Variants in DDX4 observed in about 807,000 individuals in gnomAD.
The protein encoded by DDX4 is DEAD-box helicase 4, also known as probable ATP-dependent RNA helicase DDX4.
DDX4 carries 25 observed loss-of-function variants against 100.0 expected under a neutral mutation model. The observed-to-expected ratio is 0.25, with a 90% CI of 0.18 to 0.35. The LOEUF (loss-of-function observed/expected upper bound fraction) is 0.35. DDX4 is among the 10% of genes least tolerant of loss of function. DDX4 has a pLI of 1.00. For missense variants in DDX4, 635 were observed against 882.4 expected, an observed-to-expected ratio of 0.72 and a Z score of 3.55; for synonymous variants, 259 against 275.7, an observed-to-expected ratio of 0.94 and a Z score of 0.60.
intron 7 of DDX4, among the ~76,000 whole-genome samples, chr5:55,771,770 A>T (rs796133440): frequency 1.1e-4 from 16 of 151,998 alleles, no homozygotes; most frequent in African/African-American, 3.9e-4. Flanking sequence ...TTAAATTTCT[A>T]TTTTTTTGGA....
At chr5:55,764,139 C>T (rs1202579881) in intron 6 of DDX4, 75 bp downstream of exon 6, 1 of 1,130,022 alleles carries the variant, frequency 8.8e-7, no homozygotes, top group Non-Finnish European at 1.3e-6. Flanking sequence ...AAGATTAAGT[C>T]TCTTAGTCCG....
intron 10 of DDX4, chr5:55,782,211 A>G (rs2111986770): frequency 1.9e-6 from 1 of 523,636 alleles, no homozygotes; most frequent in South Asian, 2.6e-5. Context: ...TATAGGAATT[A>G]TATACTATAG....
At chr5:55,806,162 G>A (rs1272458758) in intron 18 of DDX4, among the ~76,000 whole-genome samples, 1 of 152,150 alleles carries the variant, frequency 6.6e-6, no homozygotes, top group Non-Finnish European at 1.5e-5. Flanking sequence ...TGTGGGATTG[G>A]TGGTGATATC....
In DDX4 at chr5:55,768,033, C is replaced by G. The variant is rs751383476; in HGVS notation, c.394+93C>G. The G allele has an allele frequency of 7.7e-6, 9 of 1,162,476 alleles. No individual in the cohort carries two copies. The Admixed American group carries it at 1.2e-4, about 16-fold the overall frequency. The allele number at this position is 1,162,476 out of a possible 1,614,324, so 72.0% of individuals were successfully genotyped here. On this transcript the variant is annotated intron_variant, in intron 7 of 21. Transcript: ENST00000505374. ...AAGGAGCTGGATGAAAAACACTGATCGTGAAAACCTTTGAAGAAAAATACT... is the reference window on the plus strand; with the variant it reads ...AAGGAGCTGGATGAAAAACACTGATGGTGAAAACCTTTGAAGAAAAATACT...
rs1479576953 is a variant in DDX4, at chr5:55,785,725, C to T, written c.722-4C>T. 2 of 1,607,336 alleles carry T rather than the reference C, an allele frequency of 1.2e-6. No individual in the cohort carries two copies. Among genetic ancestry groups the T allele is most frequent in the African/African-American group, 1.3e-5 (1 of 74,670 alleles). ...TACATTATGTTTTTAATTTAAATTC[C>T]AAGGACCAAAAGTGACCTACATACC... On this transcript the variant is annotated splice_region_variant and splice_polypyrimidine_tract_variant and intron_variant, in intron 12 of 21. Transcript: ENST00000505374.
rs1291891510 is a variant in DDX4 at position 55,803,539 on chromosome 5, T to G, written c.1615+4968T>G. Among the ~76,000 whole-genome samples, 7 of 136,344 alleles carry G rather than the reference T, an allele frequency of 5.1e-5. No homozygotes were observed. The Admixed American group carries it at 5.9e-4, about 11-fold the overall frequency. 89.4% of individuals were successfully genotyped at this position (136,344 alleles called of 152,430 possible). ...CCCTTCCTGTGTCCATGTGTTCTCA[T>G]TGTTCAATTCCCACCTATGAGTGAG... On this transcript the variant is annotated intron_variant, in intron 18 of 21. Coordinates refer to ENST00000505374, the MANE Select transcript of DDX4 (RefSeq NM_024415.3).
At position 55,805,783 on chromosome 5, in the gene DDX4, C is replaced by A. The variant is rs189132346; in HGVS notation, c.1615+7212C>A. Among the ~76,000 whole-genome samples, 22 of 152,282 alleles carry A rather than the reference C, an allele frequency of 1.4e-4. No individual in the cohort carries two copies. The East Asian group carries it at 3.5e-3, about 24-fold the overall frequency. On this transcript the variant is annotated intron_variant, in intron 18 of 21. Transcript: ENST00000505374. ...TCATCAGGGATATTGGTCTAAAATT[C>A]TCTTTTTTTGTTGTATCTCTGCCCG...
At chr5:55,780,943 T>A (rs1741875829) in intron 8 of DDX4, 123 bp from the exon 9 acceptor site, 1 of 725,038 alleles carries the variant, frequency 1.4e-6, no homozygotes, top group African/African-American at 1.8e-5. Flanking sequence ...TAGGACAGTA[T>A]TTTTCTATTT....
chr5:55,801,530 T>C (rs1425865245), intron 18 of DDX4, among the ~76,000 whole-genome samples: 1 of 152,222 alleles, frequency 6.6e-6, no homozygotes, highest in Non-Finnish European at 1.5e-5. Flanking sequence ...ACAAAGAGTG[T>C]GCTAGACAGT....
chr5:55,780,319 C>G (rs1031310458), intron 8 of DDX4, among the ~76,000 whole-genome samples: 7 of 152,154 alleles, frequency 4.6e-5, no homozygotes, highest in Admixed American at 1.3e-4. Flanking sequence ...ACATACTGTT[C>G]ATTGTTTTAG....
At chr5:55,800,993 A>C (rs1743261367) in intron 18 of DDX4, among the ~76,000 whole-genome samples, 1 of 152,048 alleles carries the variant, frequency 6.6e-6, no homozygotes, top group African/African-American at 2.4e-5. Context: ...CATAATTTTA[A>C]TTTTAAGTCA....
At chr5:55,804,679 T>A (rs1743575315) in intron 18 of DDX4, among the ~76,000 whole-genome samples, 1 of 152,128 alleles carries the variant, frequency 6.6e-6, no homozygotes, top group African/African-American at 2.4e-5. Flanking sequence ...TCCATTGATC[T>A]ATATCTCTGT....
rs545885816 is a variant in DDX4, at chr5:55,792,150, G to A, written c.1303-491G>A. On this transcript the variant is annotated intron_variant, in intron 16 of 21. Coordinates refer to ENST00000505374, the MANE Select transcript of DDX4 (RefSeq NM_024415.3). ...AAAAAAAAAAAAAAAAAAAAAAAGC[G>A]CAGTTAATAGAACTTTTAAGTAATT... Among the ~76,000 whole-genome samples, 34 of 142,316 alleles carry A rather than the reference G, an allele frequency of 2.4e-4. 1 individual carries two copies. The South Asian group carries it at 6.7e-3, about 28-fold the overall frequency. The allele number at this position is 142,316 out of a possible 152,430, so 93.4% of individuals were successfully genotyped here. A position where few individuals can be genotyped will look rare whatever the true frequency, so the allele number is the denominator to read the frequency against.
Position 55,792,691 on chromosome 5 carries a change from G to A in DDX4, c.1353G>A (p.Met451Ile). 1 of 1,598,644 alleles carries A rather than the reference G, an allele frequency of 6.3e-7. No homozygotes were observed. Among genetic ancestry groups the A allele is most frequent in the South Asian group, 1.1e-5 (1 of 89,024 alleles). The change falls in exon 17 of 22, where the codon ATG (methionine) becomes ATA (isoleucine). Residue 451 changes from methionine to isoleucine, a missense_variant. Physicochemically the swap from Met to Ile is conservative, Grantham distance 10. Around this residue, in one of 4 missense-constraint regions of DDX4, gnomAD observed 115 missense variants for 224.7 expected, o/e 0.51. Transcript: ENST00000505374. ...KYLVLDEADR[M>I]LDMGFGPEMK... is the part of the protein sequence containing the mutation. The stretch of plus-strand genomic sequence containing the variant: ...TAGTTTTGGATGAAGCTGATCGCAT[G>A]TTGGATATGGGTTTTGGTCCAGAAA...
At chr5:55,745,844 C>T (rs767810874) in intron 2 of DDX4, among the ~76,000 whole-genome samples, 6 of 152,204 alleles carry the variant, frequency 3.9e-5, no homozygotes, top group Non-Finnish European at 8.8e-5. Context: ...ATAGGCCTTA[C>T]CTGTCTGTCA....
At chr5:55,808,477 A>T (rs1269550576) in intron 18 of DDX4, among the ~76,000 whole-genome samples, 1 of 152,064 alleles carries the variant, frequency 6.6e-6, no homozygotes, top group African/African-American at 2.4e-5. Flanking sequence ...GATGATGGTG[A>T]CGTACAGATG....
At chr5:55,774,848 T>C (rs116639149) in intron 7 of DDX4, among the ~76,000 whole-genome samples, 1 of 152,328 alleles carries the variant, frequency 6.6e-6, no homozygotes, top group Non-Finnish European at 1.5e-5. Context: ...AGATTAATAG[T>C]TTTCATGAAA....
At position 55,763,253 on chromosome 5, in the gene DDX4, G is replaced by A. The variant is rs1033027384; in HGVS notation, c.283+1G>A. Reference sequence around the variant, plus strand: ...GTTGGAAAGAGTTTTGGAAACAGAGGTAATTACTTGGTTATGATATCTTAC... The same window carrying A: ...GTTGGAAAGAGTTTTGGAAACAGAGATAATTACTTGGTTATGATATCTTAC... On this transcript the variant is annotated splice_donor_variant, in intron 5 of 21. Transcript: ENST00000505374. LOFTEE classifies it high-confidence loss of function. The A allele has an allele frequency of 3.8e-6, 6 of 1,584,988 alleles. No homozygotes were observed. Among genetic ancestry groups the A allele is most frequent in the Non-Finnish European group, 5.2e-6 (6 of 1,154,122 alleles).
intron 18 of DDX4, among the ~76,000 whole-genome samples, chr5:55,806,570 A>G (rs1395945620): frequency 1.3e-5 from 2 of 152,086 alleles, no homozygotes; most frequent in African/African-American, 4.8e-5. Flanking sequence ...TTCTGCCTTC[A>G]TTTTGTTATG....
Sources: allele counts gnomAD v4.1 joint callset (sites outside exome capture counted in the v4.1 genomes callset), GRCh38; gene constraint gnomAD v4.1.1; regional missense constraint gnomAD v4.1.1; transcripts MANE v1.5; gene names NCBI Gene and HGNC (gene_info 2026-07-23, HGNC 2026-07-21).